The following NR6A1 variants were observed in gnomAD, a reference collection of about 807,000 sequenced individuals.
NR6A1 encodes retinoic acid receptor-related testis-associated receptor.
Under a neutral mutation model 59.1 loss-of-function variants are expected in NR6A1, and 7 were observed. The ratio of observed to expected loss-of-function variants is 0.12; its 90% CI spans 0.07 to 0.22. The LOEUF (loss-of-function observed/expected upper bound fraction) is 0.22. NR6A1 is among the 10% of genes least tolerant of loss of function. The probability of loss-of-function intolerance (pLI) is 1.00; values close to 1 mark genes in which losing one functional copy is unlikely to be tolerated. For synonymous variants in NR6A1, 243 were observed against 236.1 expected, an observed-to-expected ratio of 1.03 and a Z score of -0.27; for missense variants, 468 against 611.6, an observed-to-expected ratio of 0.77 and a Z score of 2.48.
chr9:124,586,985 A>G (rs1441203117), intron 2 of NR6A1, among the ~76,000 whole-genome samples: 1 of 152,220 alleles, frequency 6.6e-6, no homozygotes, highest in Non-Finnish European at 1.5e-5. Flanking sequence ...GCTACAGAGA[A>G]ATTTTTCATG....
chr9:124,717,856 G>A (rs533184515), intron 2 of NR6A1, among the ~76,000 whole-genome samples: 178 of 152,252 alleles, frequency 1.2e-3, no homozygotes, highest in Non-Finnish European at 1.9e-3. Context: ...CAAGAGTTGA[G>A]AATAACCTTG....
intron 2 of NR6A1, among the ~76,000 whole-genome samples, chr9:124,657,589 C>T (rs1380886465): frequency 2.0e-5 from 3 of 152,164 alleles, no homozygotes. Flanking sequence ...AAATGACAGT[C>T]CTGTATAATG....
At chr9:124,576,524 T>C (rs917530709) in intron 2 of NR6A1, among the ~76,000 whole-genome samples, 6 of 152,106 alleles carry the variant, frequency 3.9e-5, no homozygotes, top group Non-Finnish European at 5.9e-5. Flanking sequence ...CCTGACCTCA[T>C]GATCTGCCCA....
chr9:124,771,006 G>A lies in NR6A1; in HGVS notation c.100+14C>T. Reference sequence around the variant, plus strand: ...GTTCCTGCCTGGCCCGGGCGTCGCAGGCCCCTCACCCACCGTTGCGCGGCG... The same window carrying A: ...GTTCCTGCCTGGCCCGGGCGTCGCAAGCCCCTCACCCACCGTTGCGCGGCG... On this transcript the variant is annotated intron_variant, in intron 1 of 9. Transcript: ENST00000487099. 2 of 1,219,492 alleles carry A rather than the reference G, an allele frequency of 1.6e-6. No homozygotes were observed. The highest frequency in any genetic ancestry group is 4.1e-5 in the South Asian group (1 of 24,290). The allele number at this position is 1,219,492 out of a possible 1,614,324, so 75.5% of individuals were successfully genotyped here.
intron 2 of NR6A1, among the ~76,000 whole-genome samples, chr9:124,569,269 G>A (rs867660621): frequency 1.3e-4 from 20 of 152,236 alleles, no homozygotes; most frequent in African/African-American, 4.1e-4. Context: ...TCTAGCAATC[G>A]GTTCTACCTT....
At chr9:124,701,134 G>T (rs1348123449) in intron 2 of NR6A1, among the ~76,000 whole-genome samples, 1 of 152,078 alleles carries the variant, frequency 6.6e-6, no homozygotes, top group Non-Finnish European at 1.5e-5. Context: ...TGGATCATAT[G>T]GTAAGTTTAA....
At chr9:124,688,031 G>A (rs1381672189) in intron 2 of NR6A1, among the ~76,000 whole-genome samples, 2 of 152,056 alleles carry the variant, frequency 1.3e-5, no homozygotes, top group Non-Finnish European at 2.9e-5. Context: ...AAACAATATG[G>A]TATAAGTTGG....
chr9:124,599,601 C>T lies in NR6A1; in HGVS notation c.143-45031G>A, dbSNP rs544540435. 11 of 1,166,434 alleles carry T rather than the reference C, an allele frequency of 9.4e-6. No individual in the cohort carries two copies. The Admixed American group carries it at 2.0e-4, about 21-fold the overall frequency. The allele number at this position is 1,166,434 out of a possible 1,614,324, so 72.3% of individuals were successfully genotyped here. On this transcript the variant is annotated intron_variant, in intron 2 of 9. Coordinates refer to ENST00000487099, the MANE Select transcript of NR6A1 (RefSeq NM_033334.4). The stretch of plus-strand genomic sequence containing the variant: ...GCCATGAGGGCGCGGCGGCGGCGGC[C>T]GCTCGGCTGAGTCGGTCGTCGCCGG...
intron 2 of NR6A1, among the ~76,000 whole-genome samples, chr9:124,557,926 G>A (rs1434288400): frequency 6.6e-6 from 1 of 152,110 alleles, no homozygotes; most frequent in Non-Finnish European, 1.5e-5. Flanking sequence ...TCACTGATAC[G>A]ATTTCACTGA....
At chr9:124,742,985 T>TG (rs572958138) in intron 1 of NR6A1, among the ~76,000 whole-genome samples, 29 of 152,232 alleles carry the variant, frequency 1.9e-4, no homozygotes, top group Middle Eastern at 6.8e-3. Context: ...AACTTCCCTT[T>TG]GGGGGGGCCC....
At chr9:124,597,209 CTAAAAA>C (rs1239940614) in intron 2 of NR6A1, among the ~76,000 whole-genome samples, 1 of 152,164 alleles carries the variant, frequency 6.6e-6, no homozygotes, top group Admixed American at 6.5e-5. Context: ...TGTAATTTGT[CTAAAAA>C]TAAATATTCT....
intron 2 of NR6A1, among the ~76,000 whole-genome samples, chr9:124,557,627 A>C (rs552883937): frequency 2.2e-4 from 33 of 152,240 alleles, no homozygotes; most frequent in Non-Finnish European, 4.0e-4. Context: ...AAGTTACAAT[A>C]GCAAATTTTA....
At position 124,522,634 on chromosome 9, in the gene NR6A1, C is replaced by T; in HGVS notation, c.*71G>A. The T allele has an allele frequency of 3.9e-6, 5 of 1,281,866 alleles. No individual in the cohort carries two copies. The highest frequency in any genetic ancestry group is 5.5e-6 in the Non-Finnish European group (5 of 911,380). 79.4% of individuals were successfully genotyped at this position (1,281,866 alleles called of 1,614,324 possible). On this transcript the variant is annotated 3_prime_UTR_variant, in exon 10 of 10. Transcript: ENST00000487099. Reference sequence around the variant, plus strand: ...ACAGCCTCCATCTTGGTCTCTCTGGCTTTTCCCTCCAGAGCCTGTCCTGCC... The same window carrying T: ...ACAGCCTCCATCTTGGTCTCTCTGGTTTTTCCCTCCAGAGCCTGTCCTGCC...
At chr9:124,686,704 CTT>C (rs751899156) in intron 2 of NR6A1, among the ~76,000 whole-genome samples, 2,598 of 135,628 alleles carry the variant, frequency 0.019, 48 homozygotes, top group African/African-American at 0.064. Context: ...CTTTAAAAGT[CTT>C]TTTTTTTTTT....
At chr9:124,591,787 C>A (rs535586664) in intron 2 of NR6A1, among the ~76,000 whole-genome samples, 1 of 152,136 alleles carries the variant, frequency 6.6e-6, no homozygotes, top group Non-Finnish European at 1.5e-5. Context: ...ACACCTCCCC[C>A]ACCCCCCACC....
chr9:124,628,849 G>A (rs568929210), intron 2 of NR6A1, among the ~76,000 whole-genome samples: 43 of 152,150 alleles, frequency 2.8e-4, no homozygotes, highest in African/African-American at 9.4e-4. Flanking sequence ...TAGTAGAGAC[G>A]GGGTTTCACC....
chr9:124,764,612 T>G (rs1393882751), intron 1 of NR6A1, among the ~76,000 whole-genome samples: 1 of 152,238 alleles, frequency 6.6e-6, no homozygotes, highest in Non-Finnish European at 1.5e-5. Flanking sequence ...TTGAGTATAT[T>G]TTTAATGAGT....
intron 1 of NR6A1, among the ~76,000 whole-genome samples, chr9:124,758,576 A>G (rs1360587137): frequency 6.6e-6 from 1 of 152,248 alleles, no homozygotes; most frequent in Non-Finnish European, 1.5e-5. Flanking sequence ...GATCTTGTTT[A>G]AACAACAAAA....
At chr9:124,580,070 C>G (rs1209534224) in intron 2 of NR6A1, among the ~76,000 whole-genome samples, 1 of 152,136 alleles carries the variant, frequency 6.6e-6, no homozygotes, top group East Asian at 1.9e-4. Context: ...AATTCTACTC[C>G]TAGTTATTTA....
Sources: gnomAD v4.1 joint callset for allele counts (sites outside exome capture counted in the v4.1 genomes callset) on GRCh38, gnomAD v4.1.1 for gene constraint, MANE v1.5 for transcripts, NCBI Gene and HGNC (gene_info 2026-07-23, HGNC 2026-07-21) for gene names.